CSMD1: variants seen among roughly 807,000 people sequenced by gnomAD.
The protein encoded by CSMD1 is CUB and Sushi multiple domains 1, also known as CUB and sushi domain-containing protein 1.
CSMD1 carries 213 observed loss-of-function variants against 417.5 expected under a neutral mutation model. That is an observed-to-expected ratio of 0.51 (90% CI 0.46 to 0.57). The LOEUF is 0.57. Ranked by LOEUF, CSMD1 falls within the 20% of genes least tolerant of loss-of-function variation. CSMD1 has a pLI of 0.00. For missense variants in CSMD1, 6,923 were observed against 4,529.7 expected (o/e 1.53, Z -15.17); for synonymous variants, 2,862 against 1,736.8 (o/e 1.65, Z -16.11).
chr8:3,249,153 T>TTA (rs528776078), intron 26 of CSMD1, among the ~76,000 whole-genome samples: 1,554 of 152,258 alleles, frequency 0.01, 13 homozygotes, highest in Non-Finnish European at 0.017. Context: ...TAGTAACTAT[T>TTA]ATAAGCTGTA....
intron 2 of CSMD1, among the ~76,000 whole-genome samples, chr8:4,481,632 T>C (rs1339814884): frequency 1.3e-5 from 2 of 152,112 alleles, no homozygotes; most frequent in Non-Finnish European, 2.9e-5. Context: ...CATGAGGAAA[T>C]AAAAGCACCA....
At chr8:4,170,439 T>C (rs955014402) in intron 3 of CSMD1, among the ~76,000 whole-genome samples, 4 of 151,968 alleles carry the variant, frequency 2.6e-5, no homozygotes, top group Non-Finnish European at 4.4e-5. Context: ...AATGTTCAAA[T>C]ACTTCCCCTT....
intron 1 of CSMD1, among the ~76,000 whole-genome samples, chr8:4,724,530 G>A (rs1192480217): frequency 6.8e-6 from 1 of 148,058 alleles, no homozygotes; most frequent in Non-Finnish European, 1.5e-5. Context: ...ATGTGTGTGT[G>A]TGTGTGTGTG....
intron 1 of CSMD1, among the ~76,000 whole-genome samples, chr8:4,876,877 CA>C (rs1300450454): frequency 6.6e-6 from 1 of 151,914 alleles, no homozygotes; most frequent in African/African-American, 2.4e-5. Flanking sequence ...TAAGAATGAG[CA>C]AAAAGGCAAA....
intron 2 of CSMD1, among the ~76,000 whole-genome samples, chr8:4,513,312 C>T (rs1238436273): frequency 1.3e-5 from 2 of 152,074 alleles, no homozygotes; most frequent in African/African-American, 4.8e-5. Context: ...TAAAACTACT[C>T]TACAAAACTA....
chr8:4,366,267 G>C (rs1370726), intron 3 of CSMD1, among the ~76,000 whole-genome samples: 102,977 of 151,142 alleles, frequency 0.68, 35,783 homozygotes, highest in African/African-American at 0.84. Context: ...TTTTTTTTCT[G>C]TTTTATGGCT....
intron 3 of CSMD1, among the ~76,000 whole-genome samples, chr8:4,231,524 AT>A (rs11300173): frequency 0.99 from 150,745 of 152,140 alleles, 74,692 homozygotes; most frequent in South Asian, 1. Context: ...AAGGTCTGTA[AT>A]TTTTTTTTGG....
At chr8:4,154,775 G>A (rs1324605346) in intron 3 of CSMD1, among the ~76,000 whole-genome samples, 2 of 152,152 alleles carry the variant, frequency 1.3e-5, no homozygotes, top group East Asian at 1.9e-4. Context: ...GAATATCACT[G>A]ATCACAGAGA....
intron 3 of CSMD1, among the ~76,000 whole-genome samples, chr8:4,160,740 G>C (rs1298144727): frequency 1.3e-5 from 2 of 152,170 alleles, no homozygotes; most frequent in African/African-American, 4.8e-5. Flanking sequence ...TTTCTATAAG[G>C]TGATACTACA....
intron 1 of CSMD1, among the ~76,000 whole-genome samples, chr8:4,761,925 ATCTATCT>A (rs1812132294): frequency 6.8e-6 from 1 of 147,530 alleles, no homozygotes; most frequent in African/African-American, 2.6e-5. Flanking sequence ...CTATCTATCT[ATCTATCT>A]ATCTATCTAT....
chr8:4,015,417 T>A (rs1381006930), intron 4 of CSMD1, among the ~76,000 whole-genome samples: 1 of 152,050 alleles, frequency 6.6e-6, no homozygotes, highest in Non-Finnish European at 1.5e-5. Context: ...CGACTGACAG[T>A]TCATATAGAA....
At chr8:3,301,206 C>T (rs577664186) in intron 25 of CSMD1, among the ~76,000 whole-genome samples, 1 of 151,190 alleles carries the variant, frequency 6.6e-6, no homozygotes, top group Non-Finnish European at 1.5e-5. Context: ...ATAAAACAAA[C>T]CATATTGTTT....
At chr8:3,045,299 G>A (rs1441058453) in intron 50 of CSMD1, among the ~76,000 whole-genome samples, 2 of 152,098 alleles carry the variant, frequency 1.3e-5, no homozygotes, top group Non-Finnish European at 2.9e-5. Flanking sequence ...AATGGAACCT[G>A]CAATAACTTC....
intron 17 of CSMD1, among the ~76,000 whole-genome samples, chr8:3,389,966 T>G (rs570525494): frequency 2.0e-5 from 3 of 152,086 alleles, no homozygotes; most frequent in Non-Finnish European, 4.4e-5. Context: ...GGGAGGACTG[T>G]TGAGTGGTAG....
intron 37 of CSMD1, among the ~76,000 whole-genome samples, chr8:3,167,890 G>A (rs1820330610): frequency 6.6e-6 from 1 of 152,076 alleles, no homozygotes; most frequent in South Asian, 2.1e-4. Flanking sequence ...AAATCTTCCA[G>A]ATAAAAATGA....
intron 6 of CSMD1, among the ~76,000 whole-genome samples, chr8:3,720,799 G>C (rs192439826): frequency 3.9e-5 from 6 of 152,084 alleles, no homozygotes; most frequent in East Asian, 1.9e-4. Flanking sequence ...AGCTTCAGGA[G>C]ATGTGAACAT....
chr8:4,446,763 G>GTGTGTGTGTGTGTC (rs1563183336), intron 2 of CSMD1, among the ~76,000 whole-genome samples: 26 of 76,574 alleles, frequency 3.4e-4, no homozygotes, highest in African/African-American at 1.6e-3. Flanking sequence ...GTCTGTGTGT[G>GTGTGTGTGTGTGTC]TGTGTGTGTG....
At chr8:4,864,883 C>CACACACACACACACACACACACAA (rs1802334878) in intron 1 of CSMD1, among the ~76,000 whole-genome samples, 1 of 149,214 alleles carries the variant, frequency 6.7e-6, no homozygotes, top group African/African-American at 2.5e-5. Context: ...ACTACACACA[C>CACACACACACACACACACACACAA]ACACACACAC....
At chr8:2,975,144 A>G (rs934290316) in intron 55 of CSMD1, among the ~76,000 whole-genome samples, 16 of 152,246 alleles carry the variant, frequency 1.1e-4, no homozygotes, top group African/African-American at 3.9e-4. Flanking sequence ...TCTAATATGT[A>G]TAAGTAAAAT....
Sources: allele counts gnomAD v4.1 joint callset (sites outside exome capture counted in the v4.1 genomes callset), GRCh38; gene constraint gnomAD v4.1.1; transcripts MANE v1.5; gene names NCBI Gene and HGNC (gene_info 2026-07-23, HGNC 2026-07-21).